Variants in RBM19 observed in about 807,000 individuals in gnomAD.
The protein encoded by RBM19 is RNA binding motif protein 19.
RBM19 carries 94 observed loss-of-function variants against 116.8 expected under a neutral mutation model. The observed-to-expected ratio is 0.80, with a 90% CI of 0.68 to 0.95. The LOEUF is 0.95. Ranked by LOEUF, RBM19 falls within the 40% of genes least tolerant of loss-of-function variation. RBM19 has a pLI of 0.00. For synonymous variants in RBM19, 475 were observed against 494.1 expected (o/e 0.96, Z 0.51); for missense variants, 1,161 against 1,220.7 (o/e 0.95, Z 0.73).
intron 21 of RBM19, among the ~76,000 whole-genome samples, chr12:113,897,801 C>T (rs1310602904): frequency 6.6e-6 from 1 of 152,222 alleles, no homozygotes; most frequent in Non-Finnish European, 1.5e-5. Flanking sequence ...CTTGACTGTG[C>T]ACAAAGCCTC....
chr12:113,935,306 C>CAA (rs769482695), intron 16 of RBM19, among the ~76,000 whole-genome samples: 1 of 130,668 alleles, frequency 7.7e-6, no homozygotes. Flanking sequence ...CGCTTTGGGC[C>CAA]AAAAAAAAAA....
chr12:113,902,262 C>T (rs948751249), intron 21 of RBM19, among the ~76,000 whole-genome samples: 2 of 152,126 alleles, frequency 1.3e-5, no homozygotes, highest in Non-Finnish European at 1.5e-5. Context: ...TAGACACAGG[C>T]ACCTCCCTCC....
At chr12:113,837,176 C>T (rs1160942777) in intron 23 of RBM19, among the ~76,000 whole-genome samples, 1 of 151,202 alleles carries the variant, frequency 6.6e-6, no homozygotes, top group Non-Finnish European at 1.5e-5. Context: ...TATACACACA[C>T]AGACACACAC....
intron 7 of RBM19, among the ~76,000 whole-genome samples, chr12:113,954,618 C>T (rs768935164): frequency 6.6e-6 from 1 of 152,210 alleles, no homozygotes; most frequent in Non-Finnish European, 1.5e-5. Context: ...TTTGAGTTTT[C>T]TATATTGAAC....
intron 23 of RBM19, among the ~76,000 whole-genome samples, chr12:113,837,937 C>A (rs889537403): frequency 6.6e-6 from 1 of 152,232 alleles, no homozygotes; most frequent in African/African-American, 2.4e-5. Flanking sequence ...TAAACTCCTA[C>A]ACACTAATGT....
At chr12:113,874,596 TAA>T in intron 21 of RBM19, among the ~76,000 whole-genome samples, 1 of 152,204 alleles carries the variant, frequency 6.6e-6, no homozygotes, top group Non-Finnish European at 1.5e-5. Context: ...CTGGGGACAG[TAA>T]CCAGCTTCAG....
chr12:113,865,461 G>C (rs1878730772), intron 21 of RBM19, among the ~76,000 whole-genome samples: 1 of 152,156 alleles, frequency 6.6e-6, no homozygotes. Context: ...CATTTTGCTA[G>C]AGACTGAAAG....
chr12:113,906,626 G>T (rs942767797), intron 21 of RBM19, among the ~76,000 whole-genome samples: 7 of 152,030 alleles, frequency 4.6e-5, no homozygotes, highest in Non-Finnish European at 7.4e-5. Context: ...CAATCACACG[G>T]GGCAAGGCTG....
At chr12:113,866,334 G>A (rs1878807032) in intron 21 of RBM19, among the ~76,000 whole-genome samples, 1 of 152,158 alleles carries the variant, frequency 6.6e-6, no homozygotes, top group African/African-American at 2.4e-5. Context: ...GTGGAGGAGG[G>A]CCTTTAGCTT....
intron 21 of RBM19, among the ~76,000 whole-genome samples, chr12:113,881,396 C>T (rs953650400): frequency 5.9e-5 from 9 of 152,282 alleles, no homozygotes; most frequent in South Asian, 2.1e-4. Context: ...AGGAGGCCCA[C>T]GGCTGGGGAG....
At chr12:113,930,804 T>C (rs940028564) in intron 16 of RBM19, among the ~76,000 whole-genome samples, 1 of 152,050 alleles carries the variant, frequency 6.6e-6, no homozygotes, top group Non-Finnish European at 1.5e-5. Context: ...GAACTAACAG[T>C]TCAAGGGCAT....
At position 113,872,322 on chromosome 12, in the gene RBM19, C is replaced by T. The variant is rs1474212404; in HGVS notation, c.2559-13426G>A. Among the ~76,000 whole-genome samples, 6 of 149,438 alleles carry T rather than the reference C, an allele frequency of 4.0e-5. No homozygotes were observed. In the East Asian group the frequency reaches 8.5e-4, roughly 21 times the overall value. On this transcript the variant is annotated intron_variant, in intron 21 of 23. Transcript: ENST00000261741. ...CCGTCTGAGAAGTGAGGAGCCCCTC[C>T]GCCCGGCAGCCGCCCCGTCTGAGAA...
chr12:113,844,634 C>T (rs1876787731), intron 23 of RBM19, 34 bp downstream of exon 23: 3 of 1,587,380 alleles, frequency 1.9e-6, no homozygotes, highest in African/African-American at 2.7e-5. Context: ...CCAGGGGGCC[C>T]ATGAGTCAGC....
chr12:113,865,642 G>A (rs191510737), intron 21 of RBM19, among the ~76,000 whole-genome samples: 13 of 152,210 alleles, frequency 8.5e-5, no homozygotes, highest in East Asian at 7.7e-4. Context: ...TCATATAACT[G>A]TATGTTCTTG....
chr12:113,868,062 A>G (rs1256808563), intron 21 of RBM19, among the ~76,000 whole-genome samples: 1 of 152,212 alleles, frequency 6.6e-6, no homozygotes, highest in Non-Finnish European at 1.5e-5. Flanking sequence ...TTAAGAGCAC[A>G]CAGCAGGCCA....
chr12:113,936,866 A>G (rs1029087534), intron 16 of RBM19, 141 bp downstream of exon 16: 3 of 1,117,938 alleles, frequency 2.7e-6, no homozygotes, highest in Admixed American at 2.4e-5. Flanking sequence ...ATAAAATCTG[A>G]GAGTCTGAGC....
chr12:113,958,881 G>A (rs1166243080), intron 5 of RBM19, among the ~76,000 whole-genome samples: 1 of 152,120 alleles, frequency 6.6e-6, no homozygotes, highest in African/African-American at 2.4e-5. Context: ...CCCAACAGTG[G>A]ACTTATTTGC....
intron 21 of RBM19, among the ~76,000 whole-genome samples, chr12:113,859,189 T>G (rs1387791190): frequency 6.6e-6 from 1 of 152,194 alleles, no homozygotes; most frequent in Non-Finnish European, 1.5e-5. Context: ...CCCACTTCCC[T>G]GTGGGGTAAC....
chr12:113,964,118 C>T (rs1451318157), intron 1 of RBM19, among the ~76,000 whole-genome samples: 1 of 152,216 alleles, frequency 6.6e-6, no homozygotes, highest in Non-Finnish European at 1.5e-5. Flanking sequence ...GGCTTATCCA[C>T]CTCTATCTAC....
Sources: allele counts gnomAD v4.1 joint callset (sites outside exome capture counted in the v4.1 genomes callset), GRCh38; gene constraint gnomAD v4.1.1; transcripts MANE v1.5; gene names NCBI Gene and HGNC (gene_info 2026-07-23, HGNC 2026-07-21).